EPC2: variants seen among roughly 807,000 people sequenced by gnomAD.
EPC2 encodes enhancer of polycomb 2.
In EPC2, 14 loss-of-function variants were observed where a neutral mutation model predicts 92.1. The ratio of observed to expected loss-of-function variants is 0.15; its 90% CI spans 0.10 to 0.24. The LOEUF (loss-of-function observed/expected upper bound fraction) is 0.24, where lower values mean the gene tolerates loss of function less well. Among genes scored for constraint, EPC2 ranks in the 10% least tolerant of loss-of-function variants. The pLI is 1.00. For synonymous variants in EPC2, 340 were observed against 334.7 expected (o/e 1.02, Z -0.17); for missense variants, 755 against 971.5 (o/e 0.78, Z 2.96).
intron 1 of EPC2, among the ~76,000 whole-genome samples, chr2:148,665,604 A>G (rs1334209703): frequency 6.6e-6 from 1 of 152,210 alleles, no homozygotes; most frequent in Non-Finnish European, 1.5e-5. Context: ...AAGTTTTCCA[A>G]AAGTTGATTT....
intron 1 of EPC2, 51 bp from the exon 2 acceptor site, chr2:148,690,163 A>G (rs1234434420): frequency 1.3e-6 from 2 of 1,492,024 alleles, no homozygotes; most frequent in Middle Eastern, 1.8e-4. Context: ...AAAATTATGC[A>G]TTGATTAATA....
chr2:148,736,161 T>A lies in EPC2; in HGVS notation c.314-7461T>A, dbSNP rs1039454123. ...CAAAAGAAGAGAAACAATGAAAAAT[T>A]ATATACTTCCTGATGGAGACTGATT... On this transcript the variant is annotated intron_variant, in intron 2 of 13. Transcript: ENST00000258484. 2.6e-5 allele frequency among the ~76,000 whole-genome samples: 4 copies of A among 152,190 alleles called. No homozygotes were observed. In the South Asian group the frequency reaches 8.3e-4, roughly 32 times the overall value.
chr2:148,654,235 C>T (rs1367442148), intron 1 of EPC2, among the ~76,000 whole-genome samples: 3 of 152,126 alleles, frequency 2.0e-5, no homozygotes, highest in East Asian at 3.9e-4. Context: ...GTGTGAGCCA[C>T]CATGCCCGGC....
rs1682844514 is a variant in EPC2, at chr2:148,739,830, CTTCTTTTTTTTT to C, written c.314-3789_314-3778del. ...TCTTTCTTCCTTTTCTTTTCTTCTT[CTTCTTTTTTTTT>C]TTTTTTTTTTTTTTTTGGTTTACTG... On this transcript the variant is annotated intron_variant, in intron 2 of 13. Coordinates refer to ENST00000258484, the MANE Select transcript of EPC2 (RefSeq NM_015630.4). Among the ~76,000 whole-genome samples the C allele has an allele frequency of 1.0e-4, 10 of 96,724 alleles. No individual in the cohort carries two copies. In the Admixed American group the frequency reaches 1.6e-3, roughly 15 times the overall value. 63.5% of individuals were successfully genotyped at this position (96,724 alleles called of 152,430 possible).
intron 2 of EPC2, among the ~76,000 whole-genome samples, chr2:148,718,267 G>A (rs1296951046): frequency 6.6e-6 from 1 of 152,108 alleles, no homozygotes; most frequent in Admixed American, 6.5e-5. Context: ...CTTATGTGCG[G>A]ATTTGATTCT....
At chr2:148,697,714 A>G (rs1356245879) in intron 2 of EPC2, among the ~76,000 whole-genome samples, 1 of 152,218 alleles carries the variant, frequency 6.6e-6, no homozygotes, top group Non-Finnish European at 1.5e-5. Flanking sequence ...AAACACATGC[A>G]TGCATGTGTG....
intron 2 of EPC2, among the ~76,000 whole-genome samples, chr2:148,698,427 G>A (rs1681796980): frequency 6.6e-6 from 1 of 151,942 alleles, no homozygotes; most frequent in Non-Finnish European, 1.5e-5. Flanking sequence ...CACGAGGTCA[G>A]GAGTTCAAGA....
chr2:148,646,879 A>G (rs2105347261), intron 1 of EPC2, among the ~76,000 whole-genome samples: 1 of 152,242 alleles, frequency 6.6e-6, no homozygotes, highest in East Asian at 1.9e-4. Flanking sequence ...TGGAAGGCCG[A>G]GGTGGGCGGA....
intron 1 of EPC2, among the ~76,000 whole-genome samples, chr2:148,663,395 T>G (rs1319292117): frequency 1.3e-5 from 2 of 150,928 alleles, no homozygotes; most frequent in Non-Finnish European, 3.0e-5. Flanking sequence ...ATTTTTTGTA[T>G]TTTTAGTAGA....
intron 2 of EPC2, among the ~76,000 whole-genome samples, chr2:148,697,941 A>G (rs1414368312): frequency 4.6e-5 from 7 of 152,190 alleles, no homozygotes; most frequent in East Asian, 1.9e-4. Flanking sequence ...TAAGCCTCCA[A>G]CTAAGCACTG....
chr2:148,785,536 C>T (rs540278060), intron 13 of EPC2, among the ~76,000 whole-genome samples: 1 of 152,190 alleles, frequency 6.6e-6, no homozygotes, highest in East Asian at 1.9e-4. Context: ...CCATGTTGGC[C>T]GGGATAGTCT....
intron 4 of EPC2, among the ~76,000 whole-genome samples, chr2:148,757,590 C>T (rs1466591031): frequency 1.3e-5 from 2 of 152,088 alleles, no homozygotes. Flanking sequence ...GTAATACCAG[C>T]ACTTTCAGAG....
At chr2:148,645,213 C>CCTCCCCT (rs759571332) in intron 1 of EPC2, 43 bp downstream of exon 1, 38 of 1,494,082 alleles carry the variant, frequency 2.5e-5, no homozygotes, top group Non-Finnish European at 3.4e-5. Context: ...CCTCCTCCCC[C>CCTCCCCT]CTCCCCTTTG....
Position 148,650,402 on chromosome 2 carries a change from C to T in EPC2, c.153+5232C>T, listed in dbSNP as rs1377756534. Among the ~76,000 whole-genome samples the T allele has an allele frequency of 3.1e-4, 47 of 152,084 alleles. 1 individual carries two copies. Among genetic ancestry groups the T allele is most frequent in the Admixed American group, 3.0e-3 (46 of 15,266 alleles). On this transcript the variant is annotated intron_variant, in intron 1 of 13. Coordinates refer to ENST00000258484, the MANE Select transcript of EPC2 (RefSeq NM_015630.4). Reference sequence around the variant, plus strand: ...ATTATATCCTCTTTTCCTCTTGAGTCAGAGGCCTCTTTAAATATAGAATCT... The same window carrying T: ...ATTATATCCTCTTTTCCTCTTGAGTTAGAGGCCTCTTTAAATATAGAATCT...
chr2:148,661,781 T>A (rs1166001750), intron 1 of EPC2, among the ~76,000 whole-genome samples: 1 of 152,218 alleles, frequency 6.6e-6, no homozygotes. Context: ...AAATTTTTTT[T>A]GGCATCTGTG....
At chr2:148,682,429 T>G (rs1681417526) in intron 1 of EPC2, among the ~76,000 whole-genome samples, 1 of 152,216 alleles carries the variant, frequency 6.6e-6, no homozygotes, top group Admixed American at 6.5e-5. Context: ...AGCCTTTATC[T>G]CCACTAATTA....
At chr2:148,694,857 G>A (rs866348325) in intron 2 of EPC2, among the ~76,000 whole-genome samples, 1 of 152,020 alleles carries the variant, frequency 6.6e-6, no homozygotes, top group Non-Finnish European at 1.5e-5. Flanking sequence ...CTTCCTCACC[G>A]CCCCCACCAG....
chr2:148,670,665 A>G (rs1681138083), intron 1 of EPC2, among the ~76,000 whole-genome samples: 1 of 152,098 alleles, frequency 6.6e-6, no homozygotes, highest in South Asian at 2.1e-4. Context: ...CAGTATGCTT[A>G]GAAAAATTTC....
chr2:148,762,971 C>T lies in EPC2; in HGVS notation c.948+169C>T, dbSNP rs531282195. Reference sequence around the variant, plus strand: ...CTAGGAGTATTTATATACATACTGACCAATTAATCCTCATAACAACCCTTA... The same window carrying T: ...CTAGGAGTATTTATATACATACTGATCAATTAATCCTCATAACAACCCTTA... On this transcript the variant is annotated intron_variant, in intron 6 of 13. Transcript: ENST00000258484. 2.0e-5 allele frequency among the ~76,000 whole-genome samples: 3 copies of T among 152,158 alleles called. No individual in the cohort carries two copies. The South Asian group carries it at 6.2e-4, about 32-fold the overall frequency.
Sources: gnomAD v4.1 joint callset for allele counts (sites outside exome capture counted in the v4.1 genomes callset) on GRCh38, gnomAD v4.1.1 for gene constraint, MANE v1.5 for transcripts, NCBI Gene and HGNC (gene_info 2026-07-23, HGNC 2026-07-21) for gene names.